EZH2: variants seen among roughly 807,000 people sequenced by gnomAD.
EZH2 encodes histone-lysine N-methyltransferase EZH2.
A neutral mutation model predicts 98.4 loss-of-function variants in EZH2; 18 were observed. The ratio of observed to expected loss-of-function variants is 0.18; its 90% CI spans 0.13 to 0.27. EZH2 has a LOEUF of 0.27. Among genes scored for constraint, EZH2 ranks in the 10% least tolerant of loss-of-function variants. The pLI, the probability that EZH2 is intolerant of heterozygous loss-of-function variation, is 1.00. For missense variants in EZH2, 470 were observed against 935.1 expected (o/e 0.50, Z 6.49); for synonymous variants, 338 against 312.3 (o/e 1.08, Z -0.87).
In EZH2 at chr7:148,813,169, C is replaced by T. The variant is rs146273179; in HGVS notation, c.1851+790G>A. ...TCTTGTGACTTTGGGTTTCCTTACC[C>T]GTAAAATGGGGGTTAACACTTACTC... is the stretch of plus-strand genomic sequence containing the variant. On this transcript the variant is annotated intron_variant, in intron 15 of 19. Coordinates refer to ENST00000320356, the MANE Select transcript of EZH2 (RefSeq NM_004456.5). 3.9e-3 allele frequency among the ~76,000 whole-genome samples: 587 copies of T among 152,010 alleles called. 4 individuals carry two copies. Among genetic ancestry groups the T allele is most frequent in the African/African-American group, 0.012 (493 of 41,434 alleles).
At chr7:148,811,402 C>T (rs187965366) in intron 16 of EZH2, among the ~76,000 whole-genome samples, 27 of 152,282 alleles carry the variant, frequency 1.8e-4, no homozygotes, top group Admixed American at 1.2e-3. Flanking sequence ...CCACCTGCCT[C>T]GGCCTCCCAA....
intron 1 of EZH2, among the ~76,000 whole-genome samples, chr7:148,847,940 A>G (rs1257585132): frequency 2.0e-5 from 3 of 152,234 alleles, no homozygotes; most frequent in Admixed American, 6.5e-5. Context: ...CAGGAAATGC[A>G]AAGTAAATTC....
chr7:148,833,417 A>G (rs1423829804), intron 3 of EZH2, among the ~76,000 whole-genome samples: 1 of 151,570 alleles, frequency 6.6e-6, no homozygotes, highest in African/African-American at 2.4e-5. Flanking sequence ...AGATCGCGCC[A>G]CTGCACTCCA....
At chr7:148,828,071 T>C (rs1439557116) in intron 6 of EZH2, among the ~76,000 whole-genome samples, 1 of 152,174 alleles carries the variant, frequency 6.6e-6, no homozygotes, top group Non-Finnish European at 1.5e-5. Flanking sequence ...TAAGCTGAGA[T>C]GGGGCCACTG....
chr7:148,834,400 T>G (rs1810339449), intron 3 of EZH2, among the ~76,000 whole-genome samples: 1 of 151,064 alleles, frequency 6.6e-6, no homozygotes, highest in South Asian at 2.1e-4. Flanking sequence ...ATGTTTAAAT[T>G]TTTTATTTAA....
intron 15 of EZH2, among the ~76,000 whole-genome samples, chr7:148,812,011 C>T (rs1232569332): frequency 6.6e-6 from 1 of 152,208 alleles, no homozygotes; most frequent in African/African-American, 2.4e-5. Flanking sequence ...AGGCCTGCTG[C>T]ACTTTTGGCT....
chr7:148,840,007 C>T (rs1004218774), intron 3 of EZH2, among the ~76,000 whole-genome samples: 3 of 152,136 alleles, frequency 2.0e-5, no homozygotes, highest in African/African-American at 7.2e-5. Context: ...ATAACCAATT[C>T]TAACAATGTT....
chr7:148,825,770 TA>T (rs1343384746), intron 8 of EZH2, among the ~76,000 whole-genome samples: 1 of 152,132 alleles, frequency 6.6e-6, no homozygotes, highest in Non-Finnish European at 1.5e-5. Flanking sequence ...CAAACTATAA[TA>T]AGCAAACTAC....
intron 8 of EZH2, among the ~76,000 whole-genome samples, chr7:148,824,737 T>G (rs1253199199): frequency 6.6e-6 from 1 of 152,182 alleles, no homozygotes; most frequent in Non-Finnish European, 1.5e-5. Flanking sequence ...TTTGTCGAAG[T>G]TAACGTAAAA....
At chr7:148,817,535 A>G in intron 10 of EZH2, 144 bp from the exon 11 acceptor site, 1 of 778,558 alleles carries the variant, frequency 1.3e-6, no homozygotes, top group Non-Finnish European at 2.0e-6. Context: ...CGTAGTTCAC[A>G]TTTTCCAACA....
At chr7:148,809,927 C>A (rs1802562562) in intron 17 of EZH2, among the ~76,000 whole-genome samples, 2 of 152,240 alleles carry the variant, frequency 1.3e-5, no homozygotes, top group African/African-American at 4.8e-5. Flanking sequence ...TCCTCTCAGT[C>A]CTTTGAGAAT....
chr7:148,831,104 C>T (rs1057248644), intron 4 of EZH2, among the ~76,000 whole-genome samples: 2 of 152,076 alleles, frequency 1.3e-5, no homozygotes, highest in Non-Finnish European at 2.9e-5. Flanking sequence ...CTGGGAAAGG[C>T]CACACACAGG....
At position 148,808,885 on chromosome 7, in the gene EZH2, TG is replaced by T. The variant is rs1802279843; in HGVS notation, c.2195+185del. Among the ~76,000 whole-genome samples, 5 of 152,174 alleles carry T rather than the reference TG, an allele frequency of 3.3e-5. No individual in the cohort carries two copies. In the South Asian group the frequency reaches 1.0e-3, roughly 32 times the overall value. On this transcript the variant is annotated intron_variant, in intron 19 of 19. Transcript: ENST00000320356. ...TTTTACTCTATTTTAAAAATAAGCA[TG>T]CCTTGTATAATATATAAATGGATAA...
At chr7:148,864,104 T>C (rs1418913117) in intron 1 of EZH2, among the ~76,000 whole-genome samples, 2 of 152,234 alleles carry the variant, frequency 1.3e-5, no homozygotes, top group South Asian at 2.1e-4. Flanking sequence ...AGCTGAATGA[T>C]AGAAAACATT....
At chr7:148,826,760 A>G in intron 7 of EZH2, 128 bp from the exon 8 acceptor site, 1 of 645,084 alleles carries the variant, frequency 1.6e-6, no homozygotes, top group Non-Finnish European at 2.3e-6. Context: ...GAATGGCTCT[A>G]TTTAGATAAA....
intron 1 of EZH2, among the ~76,000 whole-genome samples, chr7:148,867,519 T>A (rs1818720805): frequency 6.6e-6 from 1 of 152,178 alleles, no homozygotes; most frequent in Non-Finnish European, 1.5e-5. Flanking sequence ...TACAAAGACA[T>A]GACCAAGCAC....
intron 15 of EZH2, chr7:148,811,964 G>A: frequency 2.2e-6 from 1 of 461,078 alleles, no homozygotes; most frequent in Non-Finnish European, 4.0e-6. Context: ...TGGTGGTGTT[G>A]GTCCTCTGCA....
rs533833479 is a variant in EZH2 at position 148,862,153 on chromosome 7, C to A, written c.-7-14848G>T. On this transcript the variant is annotated intron_variant, in intron 1 of 19. Transcript: ENST00000320356. ...GTTAGCAGTGGTAATTTCTTTCTTACAAGATTAGATGCAACATGGAATCCG... is the reference window on the plus strand; with the variant it reads ...GTTAGCAGTGGTAATTTCTTTCTTAAAAGATTAGATGCAACATGGAATCCG... Among the ~76,000 whole-genome samples, 14 of 152,268 alleles carry A rather than the reference C, an allele frequency of 9.2e-5. No individual in the cohort carries two copies. In the East Asian group the frequency reaches 2.5e-3, roughly 27 times the overall value.
At chr7:148,833,942 A>G (rs1012724651) in intron 3 of EZH2, among the ~76,000 whole-genome samples, 1 of 152,222 alleles carries the variant, frequency 6.6e-6, no homozygotes, top group Admixed American at 6.5e-5. Context: ...GTGTCAGTGC[A>G]CATAGTCCCT....
Sources: gnomAD v4.1 joint callset for allele counts (sites outside exome capture counted in the v4.1 genomes callset) on GRCh38, gnomAD v4.1.1 for gene constraint, MANE v1.5 for transcripts, NCBI Gene and HGNC (gene_info 2026-07-23, HGNC 2026-07-21) for gene names.